Variants in ADGRG5 observed in about 807,000 individuals in gnomAD.
ADGRG5 encodes adhesion G protein-coupled receptor G5.
A neutral mutation model predicts 53.2 loss-of-function variants in ADGRG5; 37 were observed. The ratio of observed to expected loss-of-function variants is 0.70; its 90% CI spans 0.53 to 0.91. The LOEUF (loss-of-function observed/expected upper bound fraction) is 0.91, where lower values mean the gene tolerates loss of function less well. Among genes scored for constraint, ADGRG5 ranks in the 40% least tolerant of loss-of-function variants. The pLI is 0.00. For missense variants in ADGRG5, 614 were observed against 675.8 expected (o/e 0.91, Z 1.01); for synonymous variants, 277 against 290.4 (o/e 0.95, Z 0.47).
At chr16:57,542,007 G>A (rs1240145143), upstream of ADGRG5, among the ~76,000 whole-genome samples, 3 of 152,240 alleles carry the variant, frequency 2.0e-5, no homozygotes, top group Admixed American at 2.0e-4. Flanking sequence ...CCTCATCTGT[G>A]AAATATGACG....
intron 1 of ADGRG5, among the ~76,000 whole-genome samples, chr16:57,560,933 T>C (rs759146629): frequency 6.6e-6 from 1 of 152,138 alleles, no homozygotes; most frequent in Non-Finnish European, 1.5e-5. Context: ...CAGGCCACCA[T>C]ACCCAGCTAA....
chr16:57,536,036 G>C, the ADGRG5 span, among the ~76,000 whole-genome samples: 1 of 152,124 alleles, frequency 6.6e-6, no homozygotes, highest in South Asian at 2.1e-4. Flanking sequence ...GGGGGTTCCC[G>C]GCCCGCGCCG....
At chr16:57,570,223 C>G (rs1480522810) in intron 9 of ADGRG5, among the ~76,000 whole-genome samples, 195 bp from the exon 10 acceptor site, 1 of 152,228 alleles carries the variant, frequency 6.6e-6, no homozygotes, top group Non-Finnish European at 1.5e-5. Flanking sequence ...ATCGTAGAGC[C>G]GTCACTAACA....
chr16:57,571,131 T>A (rs2033342676), intron 10 of ADGRG5, among the ~76,000 whole-genome samples: 1 of 152,078 alleles, frequency 6.6e-6, no homozygotes, highest in South Asian at 2.1e-4. Context: ...TAGCCAGACA[T>A]AGACTAGCCT....
At position 57,567,938 on chromosome 16, in the gene ADGRG5, C is replaced by A. The variant is rs2033185786; in HGVS notation, c.904C>A (p.Pro302Thr). 1 of 1,613,802 alleles carries A rather than the reference C, an allele frequency of 6.2e-7. No individual in the cohort carries two copies. The highest frequency in any genetic ancestry group is 8.5e-7 in the Non-Finnish European group (1 of 1,179,956). ...CCTGAACATCGCCTTCCTGCTGAGC[C>A]CCGCATTCGCAATGTCTCCTGTGCC... The part of the protein sequence containing the change: ...LLLNIAFLLS[P>T]AFAMSPVPGS... The change falls in exon 9 of 12, where the codon CCC becomes ACC. Residue 302 changes from proline (P) to threonine (T), a missense_variant. Coordinates refer to ENST00000349457, the MANE Select transcript of ADGRG5 (RefSeq NM_001304376.3).
chr16:57,571,767 TG>T (rs1221079747), intron 10 of ADGRG5, among the ~76,000 whole-genome samples: 1 of 151,142 alleles, frequency 6.6e-6, no homozygotes, highest in Non-Finnish European at 1.5e-5. Flanking sequence ...GCGATTCTCC[TG>T]TGAGTAGCTG....
rs112551757 is a variant in ADGRG5 at position 57,552,753 on chromosome 16, G to A, written c.-38-9303G>A. 4.0e-3 allele frequency among the ~76,000 whole-genome samples: 607 copies of A among 152,324 alleles called. 6 individuals are homozygous for A. Among genetic ancestry groups the A allele is most frequent in the African/African-American group, 0.014 (587 of 41,568 alleles). On this transcript the variant is annotated intron_variant, in intron 1 of 11. Coordinates refer to ENST00000349457, the MANE Select transcript of ADGRG5 (RefSeq NM_001304376.3). ...CTTTGCATTCATAACTTTGTGAACT[G>A]TTCGGTGCAGGATGCCTCGCTTTTG...
At chr16:57,529,365 C>G in the ADGRG5 span, 4 of 754,394 alleles carry the variant, frequency 5.3e-6, no homozygotes, top group African/African-American at 1.9e-5. The surrounding 1 kb of genome is among the most constrained non-coding windows in gnomAD (Gnocchi z 4.1). Flanking sequence ...CGACCACCGT[C>G]AGTCTCGAAG....
At chr16:57,551,553 T>C (rs1244806356) in intron 1 of ADGRG5, among the ~76,000 whole-genome samples, 1 of 152,238 alleles carries the variant, frequency 6.6e-6, no homozygotes, top group Non-Finnish European at 1.5e-5. Flanking sequence ...AGTTTGATCA[T>C]GAGACTGCAG....
Position 57,563,852 on chromosome 16 carries a change from G to A in ADGRG5, c.302G>A (p.Gly101Glu). The change falls in exon 5 of 12, where the codon GGA becomes GAA. Residue 101 changes from glycine (G) to glutamate (E), a missense_variant. Physicochemically the swap from Gly to Glu is moderately conservative, Grantham distance 98. Transcript: ENST00000349457. ...SATLKRVPQA[G>E]GQHARGQHAM... The stretch of plus-strand genomic sequence containing the variant: ...CCTGTTTGCGACCCTCTGCAGGCAG[G>A]AGGTCAGCATGCCCGGGGTCAGCAC... 1 of 1,613,794 alleles carries A rather than the reference G, an allele frequency of 6.2e-7. No homozygotes were observed. Among genetic ancestry groups the A allele is most frequent in the Non-Finnish European group, 8.5e-7 (1 of 1,179,978 alleles).
At chr16:57,569,858 C>G (rs1326907195) in intron 9 of ADGRG5, among the ~76,000 whole-genome samples, 1 of 151,884 alleles carries the variant, frequency 6.6e-6, no homozygotes, top group East Asian at 1.9e-4. Flanking sequence ...ACCGTCACCT[C>G]CTCCATCTTC....
rs1476350342 is a variant in ADGRG5, at chr16:57,567,563, A to T, written c.793A>T (p.Ile265Phe). The T allele has an allele frequency of 6.2e-7, 1 of 1,611,558 alleles. No individual in the cohort carries two copies. The highest frequency in any genetic ancestry group is 1.1e-5 in the South Asian group (1 of 91,072). Residue 265 changes from isoleucine to phenylalanine, a missense_variant, in exon 8 of 12, where the codon ATC (isoleucine) becomes TTC (phenylalanine). Coordinates refer to ENST00000349457, the MANE Select transcript of ADGRG5 (RefSeq NM_001304376.3). ...CAGCATCTCCATCGTGGCCTCGCTG[A>T]TCACAGTCCTGCTGCACTTCCATTT... ...GCSISIVASLITVLLHFHFRK... is the reference protein window; with the variant it reads ...GCSISIVASLFTVLLHFHFRK...
chr16:57,552,282 T>G (rs2032773625), intron 1 of ADGRG5, among the ~76,000 whole-genome samples: 1 of 152,236 alleles, frequency 6.6e-6, no homozygotes, highest in Non-Finnish European at 1.5e-5. Context: ...AAACCAGGCA[T>G]TGATTTCTTC....
the ADGRG5 span, among the ~76,000 whole-genome samples, chr16:57,532,586 G>A: frequency 6.6e-6 from 1 of 152,150 alleles, no homozygotes; most frequent in Non-Finnish European, 1.5e-5. Flanking sequence ...ACGGGTGCAT[G>A]GAGAGACATT....
At chr16:57,537,164 G>A in the ADGRG5 span, among the ~76,000 whole-genome samples, 2 of 152,182 alleles carry the variant, frequency 1.3e-5, no homozygotes, top group African/African-American at 2.4e-5. Context: ...GGCAGGCCCT[G>A]GGGAATTACG....
Position 57,566,672 on chromosome 16 carries a change from A to T in ADGRG5, c.620A>T (p.Glu207Val). 6.3e-7 allele frequency: 1 copy of T among 1,594,350 alleles called. No individual in the cohort carries two copies. ...CAGCCCTGGGGGGGCTGGAGCCCTG[A>T]GGGCTGTCGTACAGAGCAGCCCTCC... Reference protein sequence around the residue: ...RKQPWGGWSPEGCRTEQPSHS... With the variant: ...RKQPWGGWSPVGCRTEQPSHS... The change falls in exon 7 of 12, where the codon GAG becomes GTG. Residue 207 changes from glutamate to valine, a missense_variant. Glu to Val is a moderately radical substitution (Grantham distance 121). Coordinates refer to ENST00000349457, the MANE Select transcript of ADGRG5 (RefSeq NM_001304376.3).
the ADGRG5 span, among the ~76,000 whole-genome samples, chr16:57,537,322 T>G: frequency 1.1e-4 from 16 of 151,186 alleles, no homozygotes; most frequent in South Asian, 2.1e-4. Flanking sequence ...GAGGTGAATC[T>G]ATTTAAAAGA....
chr16:57,571,801 C>T (rs957553299), intron 10 of ADGRG5, among the ~76,000 whole-genome samples: 13 of 151,710 alleles, frequency 8.6e-5, no homozygotes, highest in East Asian at 3.9e-4. Context: ...CGTGCCACCA[C>T]GCTCAGTTAA....
At chr16:57,562,306 G>A in intron 2 of ADGRG5, 78 bp from the exon 3 acceptor site, 1 of 1,441,530 alleles carries the variant, frequency 6.9e-7, no homozygotes, top group Non-Finnish European at 9.6e-7. Flanking sequence ...AGACTCTCAG[G>A]GTGGGATGGA....
Sources: allele counts gnomAD v4.1 joint callset (sites outside exome capture counted in the v4.1 genomes callset), GRCh38; gene constraint gnomAD v4.1.1; non-coding constraint Gnocchi (gnomAD v3.1); transcripts MANE v1.5; gene names NCBI Gene and HGNC (gene_info 2026-07-23, HGNC 2026-07-21).